Variants in LMNTD1 observed in about 807,000 individuals in gnomAD.
The protein encoded by LMNTD1 is lamin tail domain containing 1, also known as lamin tail domain-containing protein 1.
A neutral mutation model predicts 50.9 loss-of-function variants in LMNTD1; 35 were observed. The ratio of observed to expected loss-of-function variants is 0.69; its 90% CI spans 0.53 to 0.91. The LOEUF is 0.91. Ranked by LOEUF, LMNTD1 falls within the 40% of genes least tolerant of loss-of-function variation. The probability of loss-of-function intolerance (pLI) is 0.00; values close to 1 mark genes in which losing one functional copy is unlikely to be tolerated. For synonymous variants in LMNTD1, 153 were observed against 161.9 expected, an observed-to-expected ratio of 0.94 and a Z score of 0.42; for missense variants, 470 against 475.5, an observed-to-expected ratio of 0.99 and a Z score of 0.11.
intron 3 of LMNTD1, among the ~76,000 whole-genome samples, chr12:25,548,839 T>C (rs937083298): frequency 6.6e-6 from 1 of 151,982 alleles, no homozygotes; most frequent in Non-Finnish European, 1.5e-5. Context: ...AAGTTCTCTT[T>C]ATTGTTTTAC....
chr12:25,539,796 T>G (rs940047957), intron 4 of LMNTD1, among the ~76,000 whole-genome samples: 1 of 133,002 alleles, frequency 7.5e-6, no homozygotes, highest in East Asian at 2.3e-4. Context: ...GCTGGTTTTT[T>G]GAAAGGATCA....
intron 1 of LMNTD1, among the ~76,000 whole-genome samples, chr12:25,603,241 T>C (rs1946017497): frequency 6.6e-6 from 1 of 152,064 alleles, no homozygotes; most frequent in Non-Finnish European, 1.5e-5. Flanking sequence ...ATCAGGAACA[T>C]GTGTGTTGAA....
Position 25,542,929 on chromosome 12 carries a change from A to G in LMNTD1, c.491+3445T>C, listed in dbSNP as rs561385188. ...AAAAAGAGAAGATACAGATGACCAT[A>G]TGAGAAATGAGAAAGGTGATACCAA... is the stretch of plus-strand genomic sequence containing the variant. On this transcript the variant is annotated intron_variant, in intron 4 of 9. Transcript: ENST00000458174. Among the ~76,000 whole-genome samples the G allele has an allele frequency of 4.6e-5, 7 of 151,952 alleles. No homozygotes were observed. The South Asian group carries it at 1.4e-3, about 31-fold the overall frequency.
At chr12:25,513,955 C>T (rs1345645769) in intron 8 of LMNTD1, among the ~76,000 whole-genome samples, 1 of 148,994 alleles carries the variant, frequency 6.7e-6, no homozygotes, top group African/African-American at 2.5e-5. Context: ...TACCATGACT[C>T]AGTATCATAA....
chr12:25,521,022 T>C (rs1334806442), intron 6 of LMNTD1, among the ~76,000 whole-genome samples: 1 of 152,262 alleles, frequency 6.6e-6, no homozygotes, highest in East Asian at 1.9e-4. Context: ...GAGAAATGTC[T>C]ATTCAGGTCT....
intron 4 of LMNTD1, among the ~76,000 whole-genome samples, chr12:25,531,821 C>A (rs1039815694): frequency 6.6e-6 from 1 of 152,122 alleles, no homozygotes; most frequent in Non-Finnish European, 1.5e-5. Flanking sequence ...TTATTTATAA[C>A]CTTGCTATCT....
chr12:25,557,376 A>T (rs958269676), upstream of LMNTD1: 1 of 152,224 alleles, frequency 6.6e-6, no homozygotes, highest in African/African-American at 2.4e-5. Context: ...AATCCTGTTG[A>T]AAAACAACAC....
intron 1 of LMNTD1, among the ~76,000 whole-genome samples, chr12:25,592,086 C>T (rs1945717966): frequency 6.6e-6 from 1 of 152,138 alleles, no homozygotes; most frequent in Non-Finnish European, 1.5e-5. Flanking sequence ...CAGGTACAAA[C>T]AAGCCCAGAG....
intron 4 of LMNTD1, among the ~76,000 whole-genome samples, chr12:25,543,272 C>G (rs1001902071): frequency 3.9e-5 from 6 of 151,928 alleles, no homozygotes; most frequent in African/African-American, 9.7e-5. Context: ...ATTCCATAAA[C>G]AGTGGAATTA....
chr12:25,617,416 A>G (rs1236151556), intron 1 of LMNTD1, among the ~76,000 whole-genome samples: 1 of 152,148 alleles, frequency 6.6e-6, no homozygotes, highest in Non-Finnish European at 1.5e-5. Context: ...ACTGTAGACA[A>G]GAGGGGGATG....
chr12:25,622,472 C>CG (rs373245444), intron 1 of LMNTD1, among the ~76,000 whole-genome samples: 2,022 of 137,812 alleles, frequency 0.015, 81 homozygotes, highest in African/African-American at 0.051. Flanking sequence ...AGCCCGCCCC[C>CG]CCCCGCAAAA....
rs187353681 is a variant in LMNTD1, at chr12:25,576,192, T to G, written c.59-29638A>C. 2.6e-3 allele frequency among the ~76,000 whole-genome samples: 402 copies of G among 152,302 alleles called. 3 individuals carry two copies. Among genetic ancestry groups the G allele is most frequent in the Non-Finnish European group, 4.5e-3 (305 of 68,028 alleles). ...TTATAGCAGCATCATTTATAATCCTTTGGGTATATGTCCAGTAATGGGATG... is the reference window on the plus strand; with the variant it reads ...TTATAGCAGCATCATTTATAATCCTGTGGGTATATGTCCAGTAATGGGATG... On this transcript the variant is annotated intron_variant, in intron 1 of 7. Coordinates refer to the LMNTD1 transcript ENST00000445693.
intron 9 of LMNTD1, among the ~76,000 whole-genome samples, chr12:25,488,886 C>A (rs923025244): frequency 6.6e-6 from 1 of 152,136 alleles, no homozygotes; most frequent in Non-Finnish European, 1.5e-5. Flanking sequence ...AATACCCTGC[C>A]TTGTGAGGTG....
chr12:25,546,563 T>C lies in LMNTD1; in HGVS notation c.311-9A>G, dbSNP rs1315724935. The C allele has an allele frequency of 3.3e-6, 5 of 1,493,058 alleles. No individual in the cohort carries two copies. The highest frequency in any genetic ancestry group is 3.6e-4 in the Middle Eastern group (2 of 5,606). 92.5% of individuals were successfully genotyped at this position (1,493,058 alleles called of 1,614,324 possible). A position where few individuals can be genotyped will look rare whatever the true frequency, so the allele number is the denominator to read the frequency against. On this transcript the variant is annotated splice_polypyrimidine_tract_variant and intron_variant, in intron 3 of 9. Coordinates refer to ENST00000458174, the MANE Select transcript of LMNTD1 (RefSeq NM_001145728.2). ...TGAGAAGGGGCTGGCATCTTTCAAG[T>C]AGACAGAAGAAAGAAGTAACCAGGA...
chr12:25,613,599 AAC>A (rs1946292819), intron 1 of LMNTD1, among the ~76,000 whole-genome samples: 1 of 152,210 alleles, frequency 6.6e-6, no homozygotes, highest in African/African-American at 2.4e-5. Context: ...TTTGATAATT[AAC>A]ATTGTAGTGC....
At chr12:25,614,118 ACAAGT>A (rs1311785831) in intron 1 of LMNTD1, among the ~76,000 whole-genome samples, 5 of 152,174 alleles carry the variant, frequency 3.3e-5, no homozygotes, top group African/African-American at 1.2e-4. Context: ...GTTTATCAAG[ACAAGT>A]CATCAGTCGC....
intron 8 of LMNTD1, among the ~76,000 whole-genome samples, chr12:25,517,837 G>A (rs1940925222): frequency 6.6e-6 from 1 of 151,744 alleles, no homozygotes; most frequent in Non-Finnish European, 1.5e-5. Context: ...TACTGTTTTG[G>A]GGGTGCCATT....
At position 25,582,072 on chromosome 12, in the gene LMNTD1, C is replaced by A. The variant is rs149418768; in HGVS notation, c.59-35518G>T. On this transcript the variant is annotated intron_variant, in intron 1 of 7. Transcript: ENST00000445693. ...CAAAAGCCTGGTATCATGGGTCCCA[C>A]AGCCAACAGGTCTGAAATGTTTCTT... Among the ~76,000 whole-genome samples, 325 of 152,332 alleles carry A rather than the reference C, an allele frequency of 2.1e-3. 2 individuals carry two copies. Among genetic ancestry groups the A allele is most frequent in the African/African-American group, 7.5e-3 (310 of 41,586 alleles).
intron 9 of LMNTD1, among the ~76,000 whole-genome samples, chr12:25,479,103 A>G (rs1282758906): frequency 6.6e-6 from 1 of 151,994 alleles, no homozygotes; most frequent in Non-Finnish European, 1.5e-5. Context: ...CGAGTCAATC[A>G]CCCCAGCCAA....
Sources: gnomAD v4.1 joint callset for allele counts (sites outside exome capture counted in the v4.1 genomes callset) on GRCh38, gnomAD v4.1.1 for gene constraint, MANE v1.5 for transcripts, NCBI Gene and HGNC (gene_info 2026-07-23, HGNC 2026-07-21) for gene names.